ABCC3: variants seen among roughly 807,000 people sequenced by gnomAD.
ABCC3 encodes ATP binding cassette subfamily C member 3.
ABCC3 carries 121 observed loss-of-function variants against 165.3 expected under a neutral mutation model. The observed-to-expected ratio is 0.73, with a 90% confidence interval of 0.63 to 0.85. The LOEUF (loss-of-function observed/expected upper bound fraction) is 0.85, where lower values mean the gene tolerates loss of function less well. Among genes scored for constraint, ABCC3 ranks in the 40% least tolerant of loss-of-function variants. ABCC3 has a pLI of 0.00. For missense variants in ABCC3, 1,869 were observed against 1,964.1 expected, an observed-to-expected ratio of 0.95 and a Z score of 0.92; for synonymous variants, 733 against 810.1, an observed-to-expected ratio of 0.90 and a Z score of 1.62.
At chr17:50,648,162 A>C (rs1967040192) in intron 1 of ABCC3, among the ~76,000 whole-genome samples, 1 of 152,218 alleles carries the variant, frequency 6.6e-6, no homozygotes, top group Non-Finnish European at 1.5e-5. Context: ...AAGAATGTAA[A>C]CCTACAAGGA....
intron 9 of ABCC3, 28 bp downstream of exon 9, chr17:50,663,886 G>A (rs1757458912): frequency 1.2e-6 from 2 of 1,614,110 alleles, no homozygotes; most frequent in African/African-American, 1.3e-5. Context: ...CCAGGGGAAA[G>A]GCTGGCCCTG....
At chr17:50,647,822 G>A (rs1250421786) in intron 1 of ABCC3, among the ~76,000 whole-genome samples, 1 of 152,222 alleles carries the variant, frequency 6.6e-6, no homozygotes, top group Non-Finnish European at 1.5e-5. Context: ...TGGATGACCT[G>A]AGGTCAAGAG....
Position 50,691,232 on chromosome 17 carries a change from C to T in ABCC3, c.*32C>T. On this transcript the variant is annotated 3_prime_UTR_variant, in exon 31 of 31. Transcript: ENST00000285238. ...TTCCTGAGATTTCCTCCTGGCCTTT[C>T]CTGGTTTTCATCAGGAAGGAAATGA... 1.3e-6 allele frequency: 2 copies of T among 1,554,498 alleles called. No homozygotes were observed. Among genetic ancestry groups the T allele is most frequent in the South Asian group, 1.1e-5 (1 of 89,672 alleles).
intron 1 of ABCC3, among the ~76,000 whole-genome samples, chr17:50,652,049 A>C (rs1028304954): frequency 5.3e-5 from 8 of 152,230 alleles, no homozygotes; most frequent in Non-Finnish European, 8.8e-5. Context: ...GATGAGCTGC[A>C]AAAGTATTTG....
At chr17:50,640,246 G>A (rs955937971) in intron 1 of ABCC3, among the ~76,000 whole-genome samples, 1 of 152,186 alleles carries the variant, frequency 6.6e-6, no homozygotes, top group Non-Finnish European at 1.5e-5. Context: ...TCTATCCCCA[G>A]GGTGGGACAT....
intron 30 of ABCC3, 55 bp from the exon 31 acceptor site, chr17:50,691,037 A>G: frequency 7.1e-7 from 1 of 1,408,402 alleles, no homozygotes; most frequent in Non-Finnish European, 1.0e-6. Flanking sequence ...GGATTAGACG[A>G]TGTGACCAGG....
chr17:50,683,897 C>A, intron 27 of ABCC3, 52 bp from the exon 28 acceptor site: 1 of 1,590,152 alleles, frequency 6.3e-7, no homozygotes, highest in Non-Finnish European at 8.5e-7. Flanking sequence ...CCTGGAGATG[C>A]GCCTTTGACC....
At chr17:50,662,105 G>C (rs1967402048) in intron 8 of ABCC3, 1 of 152,426 alleles carries the variant, frequency 6.6e-6, no homozygotes, top group African/African-American at 2.4e-5. Flanking sequence ...CCAGGAGTGT[G>C]GGGGATGTAG....
Position 50,658,073 on chromosome 17 carries a change from C to A in ABCC3, c.487-9C>A. ...AGTGCTTCTGACGCCCCTCCACTCT[C>A]CCACCCAGGGTGAGATCTCAGACCC... On this transcript the variant is annotated splice_polypyrimidine_tract_variant and intron_variant, in intron 4 of 30. Coordinates refer to ENST00000285238, the MANE Select transcript of ABCC3 (RefSeq NM_003786.4). The A allele has an allele frequency of 6.2e-7, 1 of 1,614,112 alleles. No individual in the cohort carries two copies. The highest frequency in any genetic ancestry group is 8.5e-7 in the Non-Finnish European group (1 of 1,179,936).
At position 50,676,506 on chromosome 17, in the gene ABCC3, C is replaced by T. The variant is rs1967813732; in HGVS notation, c.3296C>T (p.Ser1099Phe). Residue 1099 changes from serine to phenylalanine, a missense_variant, in exon 23 of 31, where the codon TCC (serine) becomes TTC (phenylalanine). Coordinates refer to ENST00000285238, the MANE Select transcript of ABCC3 (RefSeq NM_003786.4). ...CTCAATTCCTTCTTCAACGCCATCT[C>T]CACTCTTGTGGTCATCATGGCCAGC... ...MLLNSFFNAI[S>F]TLVVIMASTP... The T allele has an allele frequency of 6.2e-7, 1 of 1,614,184 alleles. No individual in the cohort carries two copies. Among genetic ancestry groups the T allele is most frequent in the Non-Finnish European group, 8.5e-7 (1 of 1,180,042 alleles).
chr17:50,647,777 C>T (rs913995554), intron 1 of ABCC3, among the ~76,000 whole-genome samples: 13 of 152,206 alleles, frequency 8.5e-5, no homozygotes, highest in African/African-American at 3.1e-4. Context: ...GTGTCTCACA[C>T]CTGTAATCCC....
intron 3 of ABCC3, 100 bp from the exon 4 acceptor site, chr17:50,656,946 G>A (rs1300368625): frequency 6.4e-7 from 1 of 1,550,642 alleles, no homozygotes; most frequent in Non-Finnish European, 8.7e-7. Context: ...GAAGAAGAAG[G>A]GGGTGGCCCC....
chr17:50,653,758 GAA>G (rs57247095), intron 1 of ABCC3, among the ~76,000 whole-genome samples: 2 of 132,308 alleles, frequency 1.5e-5, no homozygotes, highest in South Asian at 2.3e-4. Flanking sequence ...CATCTCAAAA[GAA>G]AAAAAAAAAA....
intron 26 of ABCC3, among the ~76,000 whole-genome samples, chr17:50,682,345 TAA>T (rs35507460): frequency 0.035 from 4,581 of 131,514 alleles, 262 homozygotes; most frequent in African/African-American, 0.11. Context: ...CCAAGAGATT[TAA>T]AAAAAAAAAA....
chr17:50,669,037 G>C (rs1474075825), intron 15 of ABCC3, 103 bp from the exon 16 acceptor site: 1 of 1,593,590 alleles, frequency 6.3e-7, no homozygotes, highest in Non-Finnish European at 8.6e-7. Context: ...GCCTGCCAGG[G>C]GGGTGTCTGG....
Position 50,643,535 on chromosome 17 carries a change from C to T in ABCC3, c.45+8554C>T, listed in dbSNP as rs143842988. ...GCAGGGATAGGCCTGCCCAACGTGC[C>T]ACTGTATCTGCAGAACCCAGCCCAC... On this transcript the variant is annotated intron_variant, in intron 1 of 30. Coordinates refer to ENST00000285238, the MANE Select transcript of ABCC3 (RefSeq NM_003786.4). 3 of 456,306 alleles carry T rather than the reference C, an allele frequency of 6.6e-6. No individual in the cohort carries two copies. In the East Asian group the frequency reaches 2.1e-4, roughly 32 times the overall value. The allele number at this position is 456,306 out of a possible 1,614,324, so 28.3% of individuals were successfully genotyped here.
Position 50,675,953 on chromosome 17 carries a change from T to C in ABCC3, c.2930T>C (p.Leu977Pro). Reference sequence around the variant, plus strand: ...TGTACCACGCTGGCCATCTGTCTCCTGTATGTGGGTCAAAGTGCGGCTGCC... The same window carrying C: ...TGTACCACGCTGGCCATCTGTCTCCCGTATGTGGGTCAAAGTGCGGCTGCC... ...GLCTTLAICL[L>P]YVGQSAAAIG... is the part of the protein sequence containing the mutation. Residue 977 changes from leucine (L) to proline (P), a missense_variant, in exon 22 of 31, where the codon CTG becomes CCG. By Grantham distance (98) the Leu-to-Pro change is moderately conservative. Coordinates refer to ENST00000285238, the MANE Select transcript of ABCC3 (RefSeq NM_003786.4). 1.2e-6 allele frequency: 2 copies of C among 1,614,176 alleles called. No homozygotes were observed. Among genetic ancestry groups the C allele is most frequent in the African/African-American group, 1.3e-5 (1 of 75,044 alleles).
At chr17:50,685,748 G>A (rs998311753) in intron 29 of ABCC3, among the ~76,000 whole-genome samples, 1 of 152,050 alleles carries the variant, frequency 6.6e-6, no homozygotes, top group Non-Finnish European at 1.5e-5. Context: ...GTTAGGGTCA[G>A]TGTGATGACA....
chr17:50,657,898 G>A (rs935196247), intron 4 of ABCC3, among the ~76,000 whole-genome samples, 184 bp from the exon 5 acceptor site: 10 of 152,196 alleles, frequency 6.6e-5, no homozygotes, highest in Admixed American at 3.9e-4. Context: ...CCTGGTCCTC[G>A]CTGAACCAGA....
Sources: gnomAD v4.1 joint callset for allele counts (sites outside exome capture counted in the v4.1 genomes callset) on GRCh38, gnomAD v4.1.1 for gene constraint, MANE v1.5 for transcripts, NCBI Gene and HGNC (gene_info 2026-07-23, HGNC 2026-07-21) for gene names.